SLC35G1: variants seen among roughly 807,000 people sequenced by gnomAD.
SLC35G1 encodes partner of STIM1.
A neutral mutation model predicts 17.1 loss-of-function variants in SLC35G1; 10 were observed. That is an observed-to-expected ratio of 0.59 (90% CI 0.36 to 0.99). SLC35G1 has a LOEUF of 0.99. Among genes scored for constraint, SLC35G1 ranks in the 50% least tolerant of loss-of-function variants. The pLI is 0.01. For missense variants in SLC35G1, 433 were observed against 468.4 expected (o/e 0.92, Z 0.70); for synonymous variants, 185 against 181.1 (o/e 1.02, Z -0.18).
chr10:93,906,393 T>C (rs1390830600), downstream of SLC35G1: 1 of 152,262 alleles, frequency 6.6e-6, no homozygotes, highest in East Asian at 1.9e-4. Context: ...CAGGTGAGTG[T>C]GCACACTGGG....
rs2060394986 is a variant in SLC35G1 at position 93,902,161 on chromosome 10, A to T, written c.*671A>T. ...TTATTATGTCACCTCTAAAACACTT[A>T]AATTGCCAAATTTGGCTAGTAGTTT... On this transcript the variant is annotated 3_prime_UTR_variant, in exon 3 of 3. Coordinates refer to ENST00000427197, the MANE Select transcript of SLC35G1 (RefSeq NM_001134658.3). The T allele has an allele frequency of 6.5e-6, 1 of 152,740 alleles. No individual in the cohort carries two copies. Among genetic ancestry groups the T allele is most frequent in the East Asian group, 1.9e-4 (1 of 5,190 alleles). The allele number at this position is 152,740 out of a possible 1,614,324, so 9.5% of individuals were successfully genotyped here.
At chr10:93,905,945 G>A (rs1203746899), downstream of SLC35G1, among the ~76,000 whole-genome samples, 1 of 152,130 alleles carries the variant, frequency 6.6e-6, no homozygotes, top group African/African-American at 2.4e-5. Context: ...GCTCCATGGT[G>A]CAGCAGAAGT....
In SLC35G1 at chr10:93,902,387, T is replaced by TC. The variant is rs1160797703; in HGVS notation, c.*901dup. On this transcript the variant is annotated 3_prime_UTR_variant, in exon 3 of 3. Coordinates refer to ENST00000427197, the MANE Select transcript of SLC35G1 (RefSeq NM_001134658.3). ...ACTAGAAATGTGATTTTCTATAAAT[T>TC]CCCCTTGAATTTATAGTGTGATGCC... 6.6e-6 allele frequency: 1 copy of TC among 152,542 alleles called. No individual in the cohort carries two copies. Among genetic ancestry groups the TC allele is most frequent in the Non-Finnish European group, 1.5e-5 (1 of 68,022 alleles). The allele number at this position is 152,542 out of a possible 1,614,324, so 9.4% of individuals were successfully genotyped here.
chr10:93,904,097 C>T (rs1339653993), downstream of SLC35G1, among the ~76,000 whole-genome samples: 1 of 152,178 alleles, frequency 6.6e-6, no homozygotes, highest in African/African-American at 2.4e-5. Context: ...GAACTCTGTA[C>T]TTTTTGTTCC....
downstream of SLC35G1, among the ~76,000 whole-genome samples, chr10:93,905,489 G>A (rs771129438): frequency 2.0e-5 from 3 of 152,100 alleles, no homozygotes; most frequent in East Asian, 1.9e-4. Flanking sequence ...ATGGATCCAC[G>A]GTTTAGCCTC....
chr10:93,909,781 A>ATTT (rs2060449252), exon 3 of SLC35G1: 1 of 152,110 alleles, frequency 6.6e-6, no homozygotes, highest in Non-Finnish European at 1.5e-5. Flanking sequence ...GATTCCCTAA[A>ATTT]CTGTCAAATT....
At chr10:93,899,542 C>T (rs1304953464) in intron 2 of SLC35G1, among the ~76,000 whole-genome samples, 1 of 152,162 alleles carries the variant, frequency 6.6e-6, no homozygotes, top group African/African-American at 2.4e-5. Context: ...GGCTGCCTGG[C>T]TCTTTGTCTC....
In SLC35G1 at chr10:93,901,243, A is replaced by G. The variant is rs1338308542; in HGVS notation, c.851A>G (p.Asp284Gly). Residue 284 changes from aspartate (D) to glycine (G), a missense_variant, in exon 3 of 3, where the codon GAC becomes GGC. Transcript: ENST00000427197. ...GEWSLPYCGL[D>G]RLFLIFIGLF... The stretch of plus-strand genomic sequence containing the variant: ...TGGAGTCTGCCTTACTGTGGGTTGG[A>G]CAGGCTATTTCTCATATTCATTGGG... 1 of 1,614,002 alleles carries G rather than the reference A, an allele frequency of 6.2e-7. No individual in the cohort carries two copies. Among genetic ancestry groups the G allele is most frequent in the South Asian group, 1.1e-5 (1 of 91,076 alleles).
chr10:93,897,564 C>A (rs2060342666), intron 1 of SLC35G1, among the ~76,000 whole-genome samples: 1 of 152,162 alleles, frequency 6.6e-6, no homozygotes, highest in South Asian at 2.1e-4. Flanking sequence ...CAGTGTGTGA[C>A]CTTTGTTTTA....
exon 3 of SLC35G1, chr10:93,909,710 G>T (rs537790958): frequency 6.6e-6 from 1 of 152,262 alleles, no homozygotes; most frequent in South Asian, 2.1e-4. Flanking sequence ...ATAACTATGT[G>T]ATTATAATCT....
In SLC35G1 at chr10:93,901,172, A is replaced by T; in HGVS notation, c.780A>T (p.Val260=). 1 of 1,614,120 alleles carries T rather than the reference A, an allele frequency of 6.2e-7. No homozygotes were observed. Among genetic ancestry groups the T allele is most frequent in the Non-Finnish European group, 8.5e-7 (1 of 1,179,966 alleles). ...TTCTGAGCATTTGGTATTATGTAGTACTTGGCCTCGTTGAAAGTGTCATCA... is the reference window on the plus strand; with the variant it reads ...TTCTGAGCATTTGGTATTATGTAGTTCTTGGCCTCGTTGAAAGTGTCATCA... ...DYFLSIWYYV[V]LGLVESVIIL... The change falls in exon 3 of 3, where the codon GTA becomes GTT. Residue 260 remains valine, a synonymous_variant. Transcript: ENST00000427197.
rs2060381470 is a variant in SLC35G1 at position 93,901,262 on chromosome 10, C to T, written c.870C>T (p.Phe290=). The change falls in exon 3 of 3, where the codon TTC becomes TTT. Residue 290 remains phenylalanine, a synonymous_variant. Coordinates refer to ENST00000427197, the MANE Select transcript of SLC35G1 (RefSeq NM_001134658.3). The stretch of plus-strand genomic sequence containing the variant: ...GGTTGGACAGGCTATTTCTCATATT[C>T]ATTGGGCTCTTTGGTTTGGGGGGTC... ...YCGLDRLFLI[F]IGLFGLGGQI... 6.2e-7 allele frequency: 1 copy of T among 1,613,842 alleles called. No individual in the cohort carries two copies. The highest frequency in any genetic ancestry group is 8.5e-7 in the Non-Finnish European group (1 of 1,179,848).
At chr10:93,905,034 C>G (rs974563260), downstream of SLC35G1, among the ~76,000 whole-genome samples, 2 of 152,164 alleles carry the variant, frequency 1.3e-5, no homozygotes, top group Admixed American at 1.3e-4. Flanking sequence ...CCAAGGATCA[C>G]CAGTCCTTTC....
chr10:93,907,372 A>G (rs528106931), downstream of SLC35G1: 11 of 152,356 alleles, frequency 7.2e-5, no homozygotes, highest in Admixed American at 3.9e-4. Context: ...GGCACCATCT[A>G]TCAGATTTAC....
chr10:93,903,318 A>G lies in SLC35G1; in HGVS notation c.*1828A>G, dbSNP rs1332472834. On this transcript the variant is annotated 3_prime_UTR_variant, in exon 3 of 3. Transcript: ENST00000427197. ...AGAATCAGGAGCATTTGAGAACTCT[A>G]GAGGTCTCAGAAATCATCACATAGG... 1 of 152,194 alleles carries G rather than the reference A, an allele frequency of 6.6e-6. No homozygotes were observed. The highest frequency in any genetic ancestry group is 1.9e-4 in the East Asian group (1 of 5,198). 9.4% of individuals were successfully genotyped at this position (152,194 alleles called of 1,614,324 possible).
chr10:93,898,485 A>G, intron 1 of SLC35G1, 86 bp from the exon 2 acceptor site: 1 of 1,349,452 alleles, frequency 7.4e-7, no homozygotes, highest in East Asian at 2.3e-5. Flanking sequence ...GACCTTTGAC[A>G]CTGTTCCATT....
At position 93,901,433 on chromosome 10, in the gene SLC35G1, C is replaced by T. The variant is rs143906816; in HGVS notation, c.1041C>T (p.Cys347=). The T allele has an allele frequency of 1.9e-4, 307 of 1,610,840 alleles. No homozygotes were observed. Among genetic ancestry groups the T allele is most frequent in the Non-Finnish European group, 2.5e-4 (290 of 1,179,142 alleles). The change falls in exon 3 of 3, where the codon TGC becomes TGT. Residue 347 remains cysteine (C), a synonymous_variant. Coordinates refer to ENST00000427197, the MANE Select transcript of SLC35G1 (RefSeq NM_001134658.3). The part of the protein sequence containing the change: ...PTWWTVGGAL[C]VVASNVGAAI... ...GGTGGACAGTGGGTGGTGCTCTCTG[C>T]GTAGTAGCCAGTAATGTTGGAGCGG...
At chr10:93,899,276 C>T (rs2060359556) in intron 2 of SLC35G1, among the ~76,000 whole-genome samples, 1 of 152,140 alleles carries the variant, frequency 6.6e-6, no homozygotes, top group Admixed American at 6.5e-5. Flanking sequence ...TACTGTGTGA[C>T]TTCTGCCCTA....
exon 3 of SLC35G1, chr10:93,909,542 T>G (rs2060447367): frequency 6.6e-6 from 1 of 152,176 alleles, no homozygotes; most frequent in African/African-American, 2.4e-5. Context: ...GGCAGATGTG[T>G]CATATTTATC....
Sources: allele counts gnomAD v4.1 joint callset (sites outside exome capture counted in the v4.1 genomes callset), GRCh38; gene constraint gnomAD v4.1.1; transcripts MANE v1.5; gene names NCBI Gene and HGNC (gene_info 2026-07-23, HGNC 2026-07-21).